IFRD1: variants seen among roughly 807,000 people sequenced by gnomAD.
IFRD1 encodes the protein interferon related developmental regulator 1.
IFRD1 carries 35 observed loss-of-function variants against 52.9 expected under a neutral mutation model. The observed-to-expected ratio is 0.66, with a 90% CI of 0.51 to 0.88. The LOEUF (loss-of-function observed/expected upper bound fraction) is 0.88. IFRD1 is among the 40% of genes least tolerant of loss of function. IFRD1 has a pLI of 0.00. For synonymous variants in IFRD1, 184 were observed against 188.4 expected, an observed-to-expected ratio of 0.98 and a Z score of 0.19; for missense variants, 517 against 550.8, an observed-to-expected ratio of 0.94 and a Z score of 0.61.
intron 3 of IFRD1, 36 bp from the exon 4 acceptor site, chr7:112,456,878 C>T (rs1240116100): frequency 1.9e-6 from 3 of 1,606,518 alleles, no homozygotes; most frequent in East Asian, 4.5e-5. Context: ...TATACTCCAA[C>T]TGGATCTTCT....
intron 1 of IFRD1, among the ~76,000 whole-genome samples, chr7:112,435,186 T>C (rs1794644137): frequency 6.6e-6 from 1 of 152,176 alleles, no homozygotes; most frequent in East Asian, 1.9e-4. Flanking sequence ...GATGGCGGTA[T>C]TACCTCTCCA....
At chr7:112,437,423 G>A (rs1794730704) in intron 1 of IFRD1, 1 of 152,272 alleles carries the variant, frequency 6.6e-6, no homozygotes, top group African/African-American at 2.4e-5. Flanking sequence ...CTTATTGGAT[G>A]TATATCAATA....
chr7:112,439,734 C>T (rs774972831), intron 1 of IFRD1, among the ~76,000 whole-genome samples: 30 of 152,166 alleles, frequency 2.0e-4, no homozygotes, highest in Non-Finnish European at 2.6e-4. Context: ...TCTTACACCT[C>T]ACTGGCTAGA....
chr7:112,475,653 T>C lies in IFRD1; in HGVS notation c.*134T>C. ...AGCAGTGGTTATATTGCTTATAATT[T>C]AATGTACAATACTATTGAAACTGGT... On this transcript the variant is annotated 3_prime_UTR_variant, in exon 12 of 12. Coordinates refer to ENST00000403825, the MANE Select transcript of IFRD1 (RefSeq NM_001550.4). 1 of 651,208 alleles carries C rather than the reference T, an allele frequency of 1.5e-6. No homozygotes were observed. The highest frequency in any genetic ancestry group is 1.8e-5 in the South Asian group (1 of 56,348). 40.3% of individuals were successfully genotyped at this position (651,208 alleles called of 1,614,324 possible). A position where few individuals can be genotyped will look rare whatever the true frequency, so the allele number is the denominator to read the frequency against.
rs376871952 is a variant in IFRD1, at chr7:112,457,023, C to T, written c.394C>T (p.Arg132Cys). The change falls in exon 4 of 12, where the codon CGC becomes TGC. Residue 132 changes from arginine (R) to cysteine (C), a missense_variant. Transcript: ENST00000403825. Reference protein sequence around the residue: ...RRMTLTDSIERCLKKGKSDEQ... With the variant: ...RRMTLTDSIECCLKKGKSDEQ... ...AATGACTTTAACTGATAGCATTGAACGCTGCCTGAAAAAAGGTAATGCCCT... is the reference window on the plus strand; with the variant it reads ...AATGACTTTAACTGATAGCATTGAATGCTGCCTGAAAAAAGGTAATGCCCT... 29 of 1,613,536 alleles carry T rather than the reference C, an allele frequency of 1.8e-5. No homozygotes were observed. The highest frequency in any genetic ancestry group is 9.4e-5 in the African/African-American group (7 of 74,864).
upstream of IFRD1, among the ~76,000 whole-genome samples, chr7:112,447,252 C>A (rs559234856): frequency 2.4e-4 from 37 of 152,296 alleles, no homozygotes; most frequent in African/African-American, 8.9e-4. Context: ...ATGGTGATTT[C>A]TGTTCCATGG....
intron 1 of IFRD1, among the ~76,000 whole-genome samples, chr7:112,453,928 G>A (rs559074146): frequency 2.0e-5 from 3 of 152,012 alleles, no homozygotes; most frequent in African/African-American, 4.8e-5. Context: ...AAAAAAAACC[G>A]TTAAGGTGGT....
upstream of IFRD1, among the ~76,000 whole-genome samples, chr7:112,446,536 T>C (rs1333315483): frequency 1.3e-5 from 2 of 152,172 alleles, no homozygotes; most frequent in Middle Eastern, 3.2e-3. Flanking sequence ...AGTAGTGCGA[T>C]GTACTTTGGG....
At chr7:112,469,531 A>G (rs1259749490) in intron 9 of IFRD1, among the ~76,000 whole-genome samples, 1 of 152,062 alleles carries the variant, frequency 6.6e-6, no homozygotes, top group Non-Finnish European at 1.5e-5. Flanking sequence ...TTCTTTAAGT[A>G]ACTATAAACT....
chr7:112,444,749 C>G (rs1240544817), intron 1 of IFRD1, among the ~76,000 whole-genome samples: 2 of 152,066 alleles, frequency 1.3e-5, no homozygotes, highest in Non-Finnish European at 2.9e-5. Flanking sequence ...GCAAATAAAA[C>G]CCATGACTCT....
upstream of IFRD1, among the ~76,000 whole-genome samples, chr7:112,445,585 T>C (rs1795010136): frequency 6.6e-6 from 1 of 152,216 alleles, no homozygotes; most frequent in South Asian, 2.1e-4. Flanking sequence ...TTCCCCACAT[T>C]AGTTCCTTTG....
chr7:112,464,354 T>A (rs958456419), intron 8 of IFRD1, among the ~76,000 whole-genome samples: 8 of 151,308 alleles, frequency 5.3e-5, no homozygotes, highest in African/African-American at 1.9e-4. Flanking sequence ...TGTTCAAAGT[T>A]GAAATTAGTA....
At chr7:112,454,290 T>A (rs1795235750) in intron 1 of IFRD1, among the ~76,000 whole-genome samples, 1 of 151,936 alleles carries the variant, frequency 6.6e-6, no homozygotes, top group Non-Finnish European at 1.5e-5. Context: ...GCCACCTGGG[T>A]TCAAGTGATT....
intron 4 of IFRD1, chr7:112,457,248 C>CTA (rs1371828085): frequency 3.3e-6 from 2 of 612,844 alleles, no homozygotes; most frequent in African/African-American, 3.7e-5. Context: ...TAGCTTGAAA[C>CTA]TAAGAAGGAT....
chr7:112,428,738 T>C (rs759698229), intron 1 of IFRD1, among the ~76,000 whole-genome samples: 15 of 152,170 alleles, frequency 9.9e-5, no homozygotes, highest in Non-Finnish European at 1.6e-4. Context: ...AAATTTTGTA[T>C]ACTTGAATCT....
intron 5 of IFRD1, among the ~76,000 whole-genome samples, chr7:112,460,221 T>C (rs1329314639): frequency 6.6e-6 from 1 of 150,750 alleles, no homozygotes; most frequent in Non-Finnish European, 1.5e-5. Context: ...GAATCCATAT[T>C]AAATTGAGGC....
chr7:112,474,341 C>G (rs1301397704), intron 11 of IFRD1, among the ~76,000 whole-genome samples: 2 of 152,134 alleles, frequency 1.3e-5, no homozygotes, highest in Non-Finnish European at 2.9e-5. Context: ...TTTTCCATAG[C>G]TGCTGCACCA....
At chr7:112,456,781 G>T in intron 3 of IFRD1, 133 bp from the exon 4 acceptor site, 3 of 797,780 alleles carry the variant, frequency 3.8e-6, no homozygotes, top group Non-Finnish European at 6.1e-6. Flanking sequence ...ATTGACAAAT[G>T]GTTAGAGCTT....
At chr7:112,465,446 CTG>C (rs1214286792) in intron 8 of IFRD1, among the ~76,000 whole-genome samples, 1 of 152,098 alleles carries the variant, frequency 6.6e-6, no homozygotes, top group East Asian at 1.9e-4. Context: ...TAATTGGTAA[CTG>C]TTATTTTGCT....
Sources: allele counts gnomAD v4.1 joint callset (sites outside exome capture counted in the v4.1 genomes callset), GRCh38; gene constraint gnomAD v4.1.1; transcripts MANE v1.5; gene names NCBI Gene and HGNC (gene_info 2026-07-23, HGNC 2026-07-21).